DHRS4: variants seen among roughly 807,000 people sequenced by gnomAD.
DHRS4 encodes the protein dehydrogenase/reductase 4.
A neutral mutation model predicts 28.4 loss-of-function variants in DHRS4; 20 were observed. That is an observed-to-expected ratio of 0.71 (90% CI 0.50 to 1.02). The LOEUF (loss-of-function observed/expected upper bound fraction) is 1.02, where lower values mean the gene tolerates loss of function less well. DHRS4 is among the 50% of genes least tolerant of loss of function. DHRS4 has a pLI of 0.00. For missense variants in DHRS4, 378 were observed against 367.2 expected, an observed-to-expected ratio of 1.03 and a Z score of -0.24; for synonymous variants, 144 against 146.4, an observed-to-expected ratio of 0.98 and a Z score of 0.12.
chr14:23,954,309 T>A, intron 1 of DHRS4: 1 of 178,368 alleles, frequency 5.6e-6, no homozygotes, highest in Non-Finnish European at 1.2e-5. Flanking sequence ...CCAGACATTC[T>A]ATTTGGGCAC....
chr14:23,969,032 C>A lies in DHRS4; in HGVS notation c.*161C>A. On this transcript the variant is annotated 3_prime_UTR_variant, in exon 8 of 8. Coordinates refer to ENST00000313250, the MANE Select transcript of DHRS4 (RefSeq NM_021004.4). ...CCAGCCTTCCCTGCCGTCAAGGTGG[C>A]GTCTTACTCGGGATTTCTGCTGTTG... 8 of 1,330,834 alleles carry A rather than the reference C, an allele frequency of 6.0e-6. No homozygotes were observed. The highest frequency in any genetic ancestry group is 8.0e-6 in the Non-Finnish European group (8 of 1,002,284). 82.4% of individuals were successfully genotyped at this position (1,330,834 alleles called of 1,614,324 possible).
chr14:23,968,821 A>G lies in DHRS4; in HGVS notation c.787A>G (p.Ile263Val), dbSNP rs749737331. 2.5e-6 allele frequency: 4 copies of G among 1,610,900 alleles called. No homozygotes were observed. Among genetic ancestry groups the G allele is most frequent in the Non-Finnish European group, 3.4e-6 (4 of 1,178,592 alleles). The change falls in exon 8 of 8, where the codon ATC becomes GTC. Residue 263 changes from isoleucine to valine, a missense_variant. By Grantham distance (29) the Ile-to-Val change is conservative. Transcript: ENST00000313250. ...SFLCSEDASY[I>V]TGETVVVGGG... Reference sequence around the variant, plus strand: ...CCTGTGCTCTGAAGATGCCAGCTACATCACTGGGGAAACAGTGGTGGTGGG... The same window carrying G: ...CCTGTGCTCTGAAGATGCCAGCTACGTCACTGGGGAAACAGTGGTGGTGGG...
chr14:23,953,973 C>G, intron 1 of DHRS4, 57 bp downstream of exon 1: 3 of 1,546,276 alleles, frequency 1.9e-6, no homozygotes, highest in South Asian at 2.4e-5. Flanking sequence ...AGGCACTGGC[C>G]TCTCATCCTC....
Position 23,965,938 on chromosome 14 carries a change from C to A in DHRS4, c.486C>A (p.Gly162=), listed in dbSNP as rs1566476940. Residue 162 remains glycine (G), a synonymous_variant, in exon 5 of 8, where the codon GGC becomes GGA. Transcript: ENST00000313250. ...AGCTCTCTTCTTTTTCCAGAGGCGG[C>A]TCAGTGGTGATCGTGTCTTCCATAG... ...VVPEMEKRGG[G]SVVIVSSIAA... is the part of the protein sequence containing the mutation. 5.6e-6 allele frequency: 9 copies of A among 1,609,100 alleles called. No individual in the cohort carries two copies. The highest frequency in any genetic ancestry group is 7.6e-6 in the Non-Finnish European group (9 of 1,177,054).
chr14:23,960,380 C>T (rs2033368499), intron 3 of DHRS4, among the ~76,000 whole-genome samples: 1 of 151,960 alleles, frequency 6.6e-6, no homozygotes, highest in South Asian at 2.1e-4. Flanking sequence ...TTTCAGCTGA[C>T]AAAAAGTAAT....
chr14:23,955,013 C>T (rs2033049158), intron 1 of DHRS4, 22 bp from the exon 2 acceptor site: 1 of 1,614,042 alleles, frequency 6.2e-7, no homozygotes, highest in East Asian at 2.2e-5. Flanking sequence ...CCTTAGCAGT[C>T]TTTGTCTCTT....
chr14:23,954,941 A>C, intron 1 of DHRS4, 94 bp from the exon 2 acceptor site: 1 of 1,566,450 alleles, frequency 6.4e-7, no homozygotes, highest in Non-Finnish European at 8.6e-7. Context: ...AAAGAGCCAG[A>C]ATTCAAACCC....
At chr14:23,954,986 C>G in intron 1 of DHRS4, 49 bp from the exon 2 acceptor site, 1 of 1,607,764 alleles carries the variant, frequency 6.2e-7, no homozygotes, top group Non-Finnish European at 8.5e-7. Context: ...TACTGTCGAC[C>G]TCTTCCCCTG....
At chr14:23,967,119 A>C (rs370745617) in intron 6 of DHRS4, 92 bp from the exon 7 acceptor site, 2 of 1,506,632 alleles carry the variant, frequency 1.3e-6, no homozygotes, top group Non-Finnish European at 1.8e-6. Context: ...GCGCCACTAC[A>C]GTCCGGCCTG....
chr14:23,968,624 G>A lies in DHRS4; in HGVS notation c.723-133G>A, dbSNP rs2033726498. The A allele has an allele frequency of 2.2e-5, 33 of 1,478,888 alleles. 2 individuals carry two copies. In the South Asian group the frequency reaches 4.0e-4, roughly 18 times the overall value. 91.6% of individuals were successfully genotyped at this position (1,478,888 alleles called of 1,614,324 possible). On this transcript the variant is annotated intron_variant, in intron 7 of 7. Transcript: ENST00000313250. ...TCGTGGTAACCCTATTTGATAGGCA[G>A]AAAGCTTGTACACTGACCCTGAAAA...
Position 23,953,819 on chromosome 14 carries a change from G to A in DHRS4, c.31G>A (p.Ala11Thr). The A allele has an allele frequency of 6.2e-6, 10 of 1,614,132 alleles. No homozygotes were observed. The highest frequency in any genetic ancestry group is 8.5e-6 in the Non-Finnish European group (10 of 1,179,986). MHKAGLLGLC[A>T]RAWNSVRMAS... ...CAAGGCGGGGCTGCTAGGCCTCTGTGCCCGGGCTTGGAATTCGGTGCGGAT... is the reference window on the plus strand; with the variant it reads ...CAAGGCGGGGCTGCTAGGCCTCTGTACCCGGGCTTGGAATTCGGTGCGGAT... Residue 11 changes from alanine (A) to threonine (T), a missense_variant, in exon 1 of 8, where the codon GCC becomes ACC. By Grantham distance (58) the Ala-to-Thr change is moderately conservative. Coordinates refer to ENST00000313250, the MANE Select transcript of DHRS4 (RefSeq NM_021004.4).
In DHRS4 at chr14:23,960,581, T is replaced by C. The variant is rs376939766; in HGVS notation, c.408+578T>C. Among the ~76,000 whole-genome samples, 7 of 152,204 alleles carry C rather than the reference T, an allele frequency of 4.6e-5. 1 individual carries two copies. The highest frequency in any genetic ancestry group is 6.8e-3 in the Middle Eastern group (2 of 294). On this transcript the variant is annotated intron_variant, in intron 3 of 7. Coordinates refer to ENST00000313250, the MANE Select transcript of DHRS4 (RefSeq NM_021004.4). ...ATGTCTAAATTCAAGTGGTAGAATA[T>C]TGGGTTTTATGTGAAAGTGTATAAT...
rs780495364 is a variant in DHRS4, at chr14:23,967,314, G to A, written c.722+48G>A. 6 of 1,593,284 alleles carry A rather than the reference G, an allele frequency of 3.8e-6. No individual in the cohort carries two copies. In the South Asian group the frequency reaches 6.8e-5, roughly 18 times the overall value. On this transcript the variant is annotated intron_variant, in intron 7 of 7. Transcript: ENST00000313250. ...GCACTAAGAGACATGAAGATGGGAA[G>A]GTCTGGTCCCTAGCAGCCCACAGCC...
chr14:23,966,014 C>T, intron 5 of DHRS4, 31 bp downstream of exon 5: 1 of 1,609,168 alleles, frequency 6.2e-7, no homozygotes, highest in Non-Finnish European at 8.5e-7. Flanking sequence ...CTCTTCCATC[C>T]CACCCTCCAC....
chr14:23,959,810 C>T (rs1305972469), intron 2 of DHRS4, 92 bp from the exon 3 acceptor site: 12 of 1,453,026 alleles, frequency 8.3e-6, no homozygotes, highest in Non-Finnish European at 1.2e-5. Context: ...TGAGCCACAG[C>T]TCCTTGCCCA....
rs201708958 is a variant in DHRS4, at chr14:23,969,226, A to G, written c.*355A>G. The G allele has an allele frequency of 5.1e-3, 1,120 of 218,298 alleles. No homozygotes were observed. Among genetic ancestry groups the G allele is most frequent in the African/African-American group, 0.022 (628 of 29,150 alleles). 13.5% of individuals were successfully genotyped at this position (218,298 alleles called of 1,614,324 possible). ...GAAGGAGCAGAGTTGCAAATTAACAACTTGCAAATGAGGTGCAAATAAAAT... is the reference window on the plus strand; with the variant it reads ...GAAGGAGCAGAGTTGCAAATTAACAGCTTGCAAATGAGGTGCAAATAAAAT... On this transcript the variant is annotated 3_prime_UTR_variant, in exon 8 of 8. Coordinates refer to ENST00000313250, the MANE Select transcript of DHRS4 (RefSeq NM_021004.4).
intron 6 of DHRS4, among the ~76,000 whole-genome samples, chr14:23,966,809 C>T (rs1310579993): frequency 6.6e-6 from 1 of 152,276 alleles, no homozygotes; most frequent in Non-Finnish European, 1.5e-5. Flanking sequence ...CTCTCAGTTA[C>T]CATGAGGATG....
intron 7 of DHRS4, chr14:23,967,542 C>T (rs1347717635): frequency 3.5e-5 from 24 of 683,388 alleles, no homozygotes; most frequent in Non-Finnish European, 5.9e-5. Context: ...TTGCCTCCAC[C>T]TCTGAGCATC....
At chr14:23,967,182 A>C (rs1566478392) in intron 6 of DHRS4, 29 bp from the exon 7 acceptor site, 1 of 1,590,298 alleles carries the variant, frequency 6.3e-7, no homozygotes, top group South Asian at 1.2e-5. Context: ...GAAAAAAAAA[A>C]CATAAAGAGA....
Sources: allele counts gnomAD v4.1 joint callset (sites outside exome capture counted in the v4.1 genomes callset), GRCh38; gene constraint gnomAD v4.1.1; transcripts MANE v1.5; gene names NCBI Gene and HGNC (gene_info 2026-07-23, HGNC 2026-07-21).